Variants in ARHGEF17 observed in about 807,000 individuals in gnomAD.
ARHGEF17 encodes Rho guanine nucleotide exchange factor 17, also known as 164 kDa Rho-specific guanine-nucleotide exchange factor.
A neutral mutation model predicts 174.0 loss-of-function variants in ARHGEF17; 80 were observed. That is an observed-to-expected ratio of 0.46 (90% CI 0.38 to 0.55). The LOEUF (loss-of-function observed/expected upper bound fraction) is 0.55, where lower values mean the gene tolerates loss of function less well. Among genes scored for constraint, ARHGEF17 ranks in the 20% least tolerant of loss-of-function variants. The pLI, the probability that ARHGEF17 is intolerant of heterozygous loss-of-function variation, is 0.00. For synonymous variants in ARHGEF17, 1,311 were observed against 1,189.1 expected (o/e 1.10, Z -2.11); for missense variants, 2,886 against 2,839.7 (o/e 1.02, Z -0.37).
In ARHGEF17 at chr11:73,369,161, C is replaced by T. The variant is rs1194075330; in HGVS notation, c.*1381C>T. ...CTCCCTGGCCACATGGGCCTTCCGA[C>T]GTCCACACACTTGGGAAGAAGGGAG... On this transcript the variant is annotated 3_prime_UTR_variant, in exon 21 of 21. Coordinates refer to ENST00000263674, the MANE Select transcript of ARHGEF17 (RefSeq NM_014786.4). 3 of 152,274 alleles carry T rather than the reference C, an allele frequency of 2.0e-5. No homozygotes were observed. Among genetic ancestry groups the T allele is most frequent in the East Asian group, 3.9e-4 (2 of 5,190 alleles). 9.4% of individuals were successfully genotyped at this position (152,274 alleles called of 1,614,324 possible). A position where few individuals can be genotyped will look rare whatever the true frequency, so the allele number is the denominator to read the frequency against.
chr11:73,363,375 C>G lies in ARHGEF17; in HGVS notation c.5166C>G (p.Thr1722=), dbSNP rs927167390. The G allele has an allele frequency of 6.2e-7, 1 of 1,613,050 alleles. No homozygotes were observed. The highest frequency in any genetic ancestry group is 1.3e-5 in the African/African-American group (1 of 74,928). ...GCCGCTCCAGCCACGGCTCCTTCAC[C>G]CGGGGCAGCCTTGAGGACCTGCTGA... ...ALRRSSHGSF[T]RGSLEDLLSV... is the part of the protein sequence containing the mutation. The change falls in exon 15 of 21, where the codon ACC becomes ACG. Residue 1722 remains threonine (T), a synonymous_variant. Transcript: ENST00000263674.
rs79359556 is a variant in ARHGEF17 at position 73,348,132 on chromosome 11, C to T, written c.3270+1172C>T. 6.1e-3 allele frequency among the ~76,000 whole-genome samples: 930 copies of T among 152,220 alleles called. 9 individuals are homozygous for T. Among genetic ancestry groups the T allele is most frequent in the Middle Eastern group, 0.027 (8 of 294 alleles). ...GCAGTCACCATTGAGGATGAATTTG[C>T]CCAAGCTAGCTGGGCAGAGTGACAG... On this transcript the variant is annotated intron_variant, in intron 2 of 20. Transcript: ENST00000263674.
chr11:73,357,256 G>A lies in ARHGEF17; in HGVS notation c.4016G>A (p.Ser1339Asn). ...RSSMSLYTAA[S>N]VIDTASKYKM... ...GCTCCCCACAGGTACACGGCAGCCA[G>A]TGTCATTGACACAGCCAGCAAGTAC... Residue 1339 changes from serine to asparagine, a missense_variant, in exon 9 of 21, where the codon AGT (serine) becomes AAT (asparagine). By Grantham distance (46) the Ser-to-Asn change is conservative (BLOSUM62 1). Coordinates refer to ENST00000263674, the MANE Select transcript of ARHGEF17 (RefSeq NM_014786.4). The A allele has an allele frequency of 1.9e-6, 3 of 1,613,984 alleles. No individual in the cohort carries two copies. Among genetic ancestry groups the A allele is most frequent in the Non-Finnish European group, 2.5e-6 (3 of 1,179,892 alleles).
At chr11:73,327,342 C>T (rs1865118827) in intron 1 of ARHGEF17, among the ~76,000 whole-genome samples, 1 of 152,228 alleles carries the variant, frequency 6.6e-6, no homozygotes, top group Non-Finnish European at 1.5e-5. Flanking sequence ...TCTAGAGGTC[C>T]AGGAATCGTC....
intron 12 of ARHGEF17, 43 bp downstream of exon 12, chr11:73,361,204 C>T (rs1257415301): frequency 1.9e-6 from 3 of 1,581,804 alleles, no homozygotes; most frequent in East Asian, 2.2e-5. Context: ...TTTTCAAAGC[C>T]AGCAGGTGTT....
At chr11:73,367,523 C>G in intron 20 of ARHGEF17, 61 bp from the exon 21 acceptor site, 1 of 1,446,796 alleles carries the variant, frequency 6.9e-7, no homozygotes, top group Non-Finnish European at 9.5e-7. Context: ...ATTCAGGCCC[C>G]GATGGGACAG....
chr11:73,329,517 A>G (rs926710712), intron 1 of ARHGEF17, among the ~76,000 whole-genome samples: 2 of 149,206 alleles, frequency 1.3e-5, no homozygotes, highest in Non-Finnish European at 3.0e-5. Context: ...CTTGTGCCTC[A>G]GCCTCCCGAG....
chr11:73,356,193 C>T lies in ARHGEF17; in HGVS notation c.3682C>T (p.Pro1228Ser), dbSNP rs765772237. The T allele has an allele frequency of 3.1e-6, 5 of 1,613,930 alleles. No individual in the cohort carries two copies. In the East Asian group the frequency reaches 6.7e-5, roughly 22 times the overall value. Residue 1228 changes from proline to serine, a missense_variant, in exon 6 of 21, where the codon CCT (proline) becomes TCT (serine). By Grantham distance (74) the Pro-to-Ser change is moderately conservative. Around this residue, in one of 4 missense-constraint regions of ARHGEF17, gnomAD observed 353 missense variants for 470.3 expected, o/e 0.75. Coordinates refer to ENST00000263674, the MANE Select transcript of ARHGEF17 (RefSeq NM_014786.4). ...ACCCCAGGACCTCCTGAAGCATACA[C>T]CTGAGGACCACCCGGACCATCCACT... ...LLVKDLLKHT[P>S]EDHPDHPLLL...
chr11:73,308,415 C>G lies in ARHGEF17; in HGVS notation c.-224C>G, dbSNP rs906065587. On this transcript the variant is annotated 5_prime_UTR_variant, in exon 1 of 21. Coordinates refer to ENST00000263674, the MANE Select transcript of ARHGEF17 (RefSeq NM_014786.4). ...CGCGGCGGGGGCTGGGCCTGGGGGT[C>G]GGCGCTGAGGCGGGAGGGGCCGCCC... 2 of 413,872 alleles carry G rather than the reference C, an allele frequency of 4.8e-6. No individual in the cohort carries two copies. Among genetic ancestry groups the G allele is most frequent in the East Asian group, 3.7e-5 (1 of 27,032 alleles). 25.6% of individuals were successfully genotyped at this position (413,872 alleles called of 1,614,324 possible). A position where few individuals can be genotyped will look rare whatever the true frequency, so the allele number is the denominator to read the frequency against.
intron 20 of ARHGEF17, among the ~76,000 whole-genome samples, chr11:73,366,990 A>G (rs925169261): frequency 6.6e-6 from 1 of 152,218 alleles, no homozygotes; most frequent in East Asian, 1.9e-4. Context: ...CAGTGAGCCA[A>G]GAGTATGTGC....
At chr11:73,346,411 G>A (rs1220329295) in intron 1 of ARHGEF17, among the ~76,000 whole-genome samples, 1 of 152,188 alleles carries the variant, frequency 6.6e-6, no homozygotes, top group Non-Finnish European at 1.5e-5. Flanking sequence ...CAGGGTGATG[G>A]TGTCTACTCT....
In ARHGEF17 at chr11:73,310,175, C is replaced by T. The variant is rs1205628009; in HGVS notation, c.1537C>T (p.Pro513Ser). The change falls in exon 1 of 21, where the codon CCT (proline) becomes TCT (serine). Residue 513 changes from proline to serine, a missense_variant. Coordinates refer to ENST00000263674, the MANE Select transcript of ARHGEF17 (RefSeq NM_014786.4). ...DGRDSPSAGG[P>S]VGQLEPIPIP... ...CAGAGACTCACCATCCGCAGGTGGC[C>T]CTGTGGGGCAACTTGAACCCATACC... 3 of 1,613,872 alleles carry T rather than the reference C, an allele frequency of 1.9e-6. No homozygotes were observed. The highest frequency in any genetic ancestry group is 2.5e-6 in the Non-Finnish European group (3 of 1,180,022).
In ARHGEF17 at chr11:73,363,537, A is replaced by G. The variant is rs535731660; in HGVS notation, c.5246+82A>G. 24 of 1,545,358 alleles carry G rather than the reference A, an allele frequency of 1.6e-5. No individual in the cohort carries two copies. The East Asian group carries it at 5.0e-4, about 32-fold the overall frequency. On this transcript the variant is annotated intron_variant, in intron 15 of 20. Transcript: ENST00000263674. ...GGAAATCATGTGGTCCCCTGGAGCCAAGGCAGGAGGGCTTTGGGTCACACC... is the reference window on the plus strand; with the variant it reads ...GGAAATCATGTGGTCCCCTGGAGCCGAGGCAGGAGGGCTTTGGGTCACACC...
At chr11:73,318,764 T>A (rs1864968646) in intron 1 of ARHGEF17, among the ~76,000 whole-genome samples, 1 of 152,154 alleles carries the variant, frequency 6.6e-6, no homozygotes, top group South Asian at 2.1e-4. Flanking sequence ...CTGTGCTGAT[T>A]GCAGAGGTCT....
At chr11:73,321,901 G>T (rs1388394995) in intron 1 of ARHGEF17, among the ~76,000 whole-genome samples, 3 of 152,208 alleles carry the variant, frequency 2.0e-5, no homozygotes, top group African/African-American at 7.2e-5. Flanking sequence ...CAAGCACAAG[G>T]TTGGTGTCTG....
chr11:73,327,702 A>G (rs1199143820), intron 1 of ARHGEF17, among the ~76,000 whole-genome samples: 3 of 152,130 alleles, frequency 2.0e-5, no homozygotes, highest in Non-Finnish European at 4.4e-5. Context: ...TGGCCAGAAC[A>G]TGATGCAGCC....
rs1865800879 is a variant in ARHGEF17, at chr11:73,364,295, T to G, written c.5401+56T>G. ...CCTGTCCCCTTACTGGTGTTGGGGC[T>G]CTCTCCTGGAGATGTGGCTTTGGGC... On this transcript the variant is annotated intron_variant, in intron 17 of 20. Coordinates refer to ENST00000263674, the MANE Select transcript of ARHGEF17 (RefSeq NM_014786.4). 1.3e-5 allele frequency: 21 copies of G among 1,603,578 alleles called. No individual in the cohort carries two copies. The South Asian group carries it at 2.3e-4, about 18-fold the overall frequency.
rs1865814588 is a variant in ARHGEF17, at chr11:73,365,245, TGAAACC to T, written c.5551-144_5551-139del. ...TGAGAACTAAGTTGGGAGGTGCTGG[TGAAACC>T]AAGCTTCGAAAGGTTAATCAGACCA... is the stretch of plus-strand genomic sequence containing the variant. On this transcript the variant is annotated intron_variant, in intron 18 of 20. Transcript: ENST00000263674. The surrounding 1 kb of genome is among the most constrained non-coding windows in gnomAD (Gnocchi z 4.9). 1 of 871,750 alleles carries T rather than the reference TGAAACC, an allele frequency of 1.1e-6. No homozygotes were observed. The highest frequency in any genetic ancestry group is 1.7e-5 in the African/African-American group (1 of 59,344). The allele number at this position is 871,750 out of a possible 1,614,324, so 54.0% of individuals were successfully genotyped here.
intron 1 of ARHGEF17, among the ~76,000 whole-genome samples, chr11:73,315,322 G>C (rs944204298): frequency 1.3e-5 from 2 of 152,190 alleles, no homozygotes; most frequent in African/African-American, 4.8e-5. Flanking sequence ...GAGAATGCTA[G>C]GTCTAAGGTC....
Sources: allele counts gnomAD v4.1 joint callset (sites outside exome capture counted in the v4.1 genomes callset), GRCh38; gene constraint gnomAD v4.1.1; regional missense constraint gnomAD v4.1.1; non-coding constraint Gnocchi (gnomAD v3.1); transcripts MANE v1.5; gene names NCBI Gene and HGNC (gene_info 2026-07-23, HGNC 2026-07-21).